The following LPIN1 variants were observed in gnomAD, a reference collection of about 807,000 sequenced individuals.
LPIN1 encodes lipin 1, also known as phosphatidate phosphatase LPIN1.
LPIN1 carries 71 observed loss-of-function variants against 107.5 expected under a neutral mutation model. The ratio of observed to expected loss-of-function variants is 0.66; its 90% CI spans 0.55 to 0.80. The LOEUF (loss-of-function observed/expected upper bound fraction) is 0.80. LPIN1 is among the 30% of genes least tolerant of loss of function. The pLI is 0.00. For synonymous variants in LPIN1, 445 were observed against 452.6 expected (o/e 0.98, Z 0.21); for missense variants, 1,043 against 1,160.6 (o/e 0.90, Z 1.47).
At chr2:11,732,053 T>A (rs1467950603) in intron 1 of LPIN1, among the ~76,000 whole-genome samples, 2 of 152,242 alleles carry the variant, frequency 1.3e-5, no homozygotes, top group East Asian at 3.8e-4. Flanking sequence ...TTAGTTTCTT[T>A]TGCTGTGCAG....
intron 1 of LPIN1, among the ~76,000 whole-genome samples, chr2:11,726,010 G>C (rs1664610654): frequency 6.6e-6 from 1 of 152,134 alleles, no homozygotes; most frequent in Admixed American, 6.5e-5. Context: ...GTGACTGGCA[G>C]CGTTATTGCT....
In LPIN1 at chr2:11,826,648, A is replaced by G. The variant is rs1444461318; in HGVS notation, c.*1857A>G. The stretch of plus-strand genomic sequence containing the variant: ...GAGTGAATTTTAACTGCTCTGAACT[A>G]AGTATAAGCTCATGGGCCTGCAAAG... On this transcript the variant is annotated 3_prime_UTR_variant, in exon 21 of 21. Transcript: ENST00000674199. 9 of 152,096 alleles carry G rather than the reference A, an allele frequency of 5.9e-5. No homozygotes were observed. The highest frequency in any genetic ancestry group is 2.2e-4 in the African/African-American group (9 of 41,406). 9.4% of individuals were successfully genotyped at this position (152,096 alleles called of 1,614,324 possible).
At chr2:11,810,167 T>G (rs1304026282) in intron 17 of LPIN1, among the ~76,000 whole-genome samples, 2 of 152,078 alleles carry the variant, frequency 1.3e-5, no homozygotes, top group Non-Finnish European at 2.9e-5. Flanking sequence ...CTTGTGGTCT[T>G]GTGGGAGGAG....
At chr2:11,764,034 G>C (rs1284910332) in intron 1 of LPIN1, among the ~76,000 whole-genome samples, 1 of 139,040 alleles carries the variant, frequency 7.2e-6, no homozygotes, top group East Asian at 2.1e-4. Context: ...TGTCCAGCCA[G>C]AGCAAGATCC....
At chr2:11,795,193 C>A (rs1676447313) in intron 13 of LPIN1, among the ~76,000 whole-genome samples, 1 of 152,170 alleles carries the variant, frequency 6.6e-6, no homozygotes, top group Non-Finnish European at 1.5e-5. Context: ...AAAAATATTT[C>A]TTGGTTTAAT....
At chr2:11,732,851 A>G (rs906841343) in intron 1 of LPIN1, among the ~76,000 whole-genome samples, 5 of 152,108 alleles carry the variant, frequency 3.3e-5, no homozygotes, top group African/African-American at 1.2e-4. Flanking sequence ...CTGTTCCAAA[A>G]ACAATAACCA....
At position 11,808,161 on chromosome 2, in the gene LPIN1, G is replaced by A. The variant is rs535915282; in HGVS notation, c.2249+3005G>A. Among the ~76,000 whole-genome samples the A allele has an allele frequency of 5.9e-5, 9 of 152,282 alleles. No individual in the cohort carries two copies. In the South Asian group the frequency reaches 1.0e-3, roughly 18 times the overall value. ...CAGCTCTGGTCTCTTCCCCGTCCCC[G>A]GACTTGCTGGACTCTATGTGGATAT... On this transcript the variant is annotated intron_variant, in intron 17 of 20. Coordinates refer to ENST00000674199, the MANE Select transcript of LPIN1 (RefSeq NM_001349206.2).
rs904035930 is a variant in LPIN1 at position 11,697,081 on chromosome 2, G to A, written c.82-16675G>A. Among the ~76,000 whole-genome samples the A allele has an allele frequency of 6.6e-6, 1 of 152,254 alleles. No homozygotes were observed. The highest frequency in any genetic ancestry group is 2.4e-5 in the African/African-American group (1 of 41,464). ...AAGGCTCTTTGTTCCTCAGCCCCAA[G>A]CTGTATCTGGTGAGAACAGATGCGT... On this transcript the variant is annotated intron_variant, in intron 1 of 21. Coordinates refer to the LPIN1 transcript ENST00000449576. This position sits in a 1 kb window ranked among gnomAD's most constrained non-coding sequence, Gnocchi z 4.6.
At chr2:11,731,428 T>G (rs142276988) in intron 1 of LPIN1, among the ~76,000 whole-genome samples, 1 of 152,240 alleles carries the variant, frequency 6.6e-6, no homozygotes, top group African/African-American at 2.4e-5. Context: ...GGCTGCATAG[T>G]ATTCCATGGT....
rs760152186 is a variant in LPIN1 at position 11,782,351 on chromosome 2, A to G, written c.1108A>G (p.Asn370Asp). The G allele has an allele frequency of 1.1e-5, 18 of 1,614,102 alleles. No individual in the cohort carries two copies. Among genetic ancestry groups the G allele is most frequent in the Admixed American group, 1.7e-5 (1 of 59,998 alleles). ...TLVGGALLDQ[N>D]KPQTEMQFVN... Reference sequence around the variant, plus strand: ...GGTCGGTGGGGCACTTTTGGACCAGAACAAGCCTCAGACAGAAATGCAGTT... The same window carrying G: ...GGTCGGTGGGGCACTTTTGGACCAGGACAAGCCTCAGACAGAAATGCAGTT... The change falls in exon 8 of 21, where the codon AAC becomes GAC. Residue 370 changes from asparagine (N) to aspartate (D), a missense_variant. Coordinates refer to ENST00000674199, the MANE Select transcript of LPIN1 (RefSeq NM_001349206.2).
At chr2:11,755,822 A>G (rs1572597815) in intron 1 of LPIN1, among the ~76,000 whole-genome samples, 2 of 151,880 alleles carry the variant, frequency 1.3e-5, no homozygotes, top group East Asian at 1.9e-4. Context: ...CCTGGGTTCA[A>G]GCGACTCTCC....
chr2:11,798,237 A>G (rs2148687713), intron 14 of LPIN1, among the ~76,000 whole-genome samples: 1 of 152,266 alleles, frequency 6.6e-6, no homozygotes, highest in East Asian at 1.9e-4. Context: ...ATTTCTTCAT[A>G]GCAGTGTGAG....
intron 1 of LPIN1, among the ~76,000 whole-genome samples, chr2:11,732,097 A>G (rs541609766): frequency 6.6e-6 from 1 of 152,278 alleles, no homozygotes; most frequent in Admixed American, 6.5e-5. Context: ...CCATTTGTCA[A>G]TTCTGGCTTT....
In LPIN1 at chr2:11,784,887, G is replaced by GGA. The variant is rs886041544; in HGVS notation, c.1363_1364dup (p.Asp455GlufsTer41). 4 of 1,613,864 alleles carry GGA rather than the reference G, an allele frequency of 2.5e-6. No individual in the cohort carries two copies. The highest frequency in any genetic ancestry group is 3.4e-6 in the Non-Finnish European group (4 of 1,179,978). ...CTCTGCCGCTTTTCCTCCTTCCAGC[G>GGA]GAGATCCTTCCGGACTCGCAAAACA... On this transcript the variant is annotated frameshift_variant and splice_region_variant, in exon 10 of 21. Coordinates refer to ENST00000674199, the MANE Select transcript of LPIN1 (RefSeq NM_001349206.2). LOFTEE classifies it high-confidence loss of function.
intron 1 of LPIN1, among the ~76,000 whole-genome samples, chr2:11,760,825 G>A (rs1669706586): frequency 6.6e-6 from 1 of 152,316 alleles, no homozygotes; most frequent in African/African-American, 2.4e-5. Flanking sequence ...TGGGGTTGGG[G>A]CCTCACTGCT....
chr2:11,824,722 T>C lies in LPIN1; in HGVS notation c.2712T>C (p.Ser904=). The stretch of plus-strand genomic sequence containing the variant: ...ACTTTCCCTGTTCGGATACCTTCAG[T>C]AACTTCACCTTTTGGAGAGAGCCAC... ...SSDFPCSDTF[S]NFTFWREPLP... is the part of the protein sequence containing the mutation. The change falls in exon 21 of 21, where the codon AGT becomes AGC. Residue 904 remains serine, a synonymous_variant. Coordinates refer to ENST00000674199, the MANE Select transcript of LPIN1 (RefSeq NM_001349206.2). The C allele has an allele frequency of 6.2e-7, 1 of 1,614,212 alleles. No individual in the cohort carries two copies. Among genetic ancestry groups the C allele is most frequent in the Non-Finnish European group, 8.5e-7 (1 of 1,180,038 alleles).
chr2:11,769,700 TCATGA>T (rs1671544195), intron 3 of LPIN1, among the ~76,000 whole-genome samples: 3 of 152,334 alleles, frequency 2.0e-5, no homozygotes, highest in African/African-American at 7.2e-5. Context: ...AAATCCAAGG[TCATGA>T]TTTATGGTTA....
chr2:11,737,389 C>A (rs904412501), intron 1 of LPIN1, among the ~76,000 whole-genome samples: 1 of 152,142 alleles, frequency 6.6e-6, no homozygotes, highest in Non-Finnish European at 1.5e-5. Flanking sequence ...CAAATGGGAT[C>A]TAATTAAACT....
chr2:11,764,664 A>T (rs1425969691), intron 1 of LPIN1, among the ~76,000 whole-genome samples: 1 of 152,272 alleles, frequency 6.6e-6, no homozygotes, highest in African/African-American at 2.4e-5. Context: ...CAAAGGCCAC[A>T]TGGAAATTGT....
Sources: gnomAD v4.1 joint callset for allele counts (sites outside exome capture counted in the v4.1 genomes callset) on GRCh38, gnomAD v4.1.1 for gene constraint, Gnocchi (gnomAD v3.1) non-coding constraint, MANE v1.5 for transcripts, NCBI Gene and HGNC (gene_info 2026-07-23, HGNC 2026-07-21) for gene names.